The following GRID1 variants were observed in gnomAD, a reference collection of about 807,000 sequenced individuals.
GRID1 encodes glutamate receptor ionotropic, delta-1.
Under a neutral mutation model 98.0 loss-of-function variants are expected in GRID1, and 28 were observed. The ratio of observed to expected loss-of-function variants is 0.29; its 90% confidence interval spans 0.21 to 0.39. The LOEUF (loss-of-function observed/expected upper bound fraction) is 0.39. Ranked by LOEUF, GRID1 falls within the 10% of genes least tolerant of loss-of-function variation. GRID1 has a pLI of 1.00. For synonymous variants in GRID1, 553 were observed against 538.5 expected, an observed-to-expected ratio of 1.03 and a Z score of -0.37; for missense variants, 1,111 against 1,340.5, an observed-to-expected ratio of 0.83 and a Z score of 2.67.
At chr10:86,287,229 G>C (rs1176927208) in intron 2 of GRID1, among the ~76,000 whole-genome samples, 1 of 152,186 alleles carries the variant, frequency 6.6e-6, no homozygotes, top group African/African-American at 2.4e-5. Flanking sequence ...TGTCATATGA[G>C]AAGCCTGAAC....
intron 4 of GRID1, among the ~76,000 whole-genome samples, chr10:86,102,231 T>C (rs1409425034): frequency 1.3e-5 from 2 of 152,218 alleles, no homozygotes; most frequent in Non-Finnish European, 2.9e-5. Flanking sequence ...ACAAGCTGCA[T>C]GGAGCAAGGT....
In GRID1 at chr10:86,352,268, G is replaced by A. The variant is rs77960443; in HGVS notation, c.235+11673C>T. 3.3e-3 allele frequency among the ~76,000 whole-genome samples: 503 copies of A among 152,308 alleles called. 2 individuals are homozygous for A. The highest frequency in any genetic ancestry group is 0.012 in the African/African-American group (485 of 41,550). On this transcript the variant is annotated intron_variant, in intron 2 of 15. Coordinates refer to ENST00000327946, the MANE Select transcript of GRID1 (RefSeq NM_017551.3). The stretch of plus-strand genomic sequence containing the variant: ...TGGGCACTGTAGCCCTAAGAAGGCA[G>A]GGCTGGTCCACGCTCCCTCAGGCAG...
At chr10:86,014,140 A>C (rs1842952511) in intron 4 of GRID1, among the ~76,000 whole-genome samples, 1 of 152,204 alleles carries the variant, frequency 6.6e-6, no homozygotes, top group Non-Finnish European at 1.5e-5. Context: ...TCTGACACTC[A>C]GCTCCCACAA....
intron 2 of GRID1, among the ~76,000 whole-genome samples, chr10:86,293,758 T>TTCAA (rs1330287987): frequency 2.1e-5 from 3 of 144,446 alleles, no homozygotes; most frequent in African/African-American, 7.7e-5. Flanking sequence ...GTGGAATGCA[T>TTCAA]TCATTCATTC....
intron 3 of GRID1, among the ~76,000 whole-genome samples, chr10:86,194,410 T>C (rs1035423351): frequency 6.6e-6 from 1 of 152,072 alleles, no homozygotes; most frequent in Non-Finnish European, 1.5e-5. Context: ...AGTAAAAGCA[T>C]GTCACCAAAC....
Position 86,150,952 on chromosome 10 carries a change from A to C in GRID1, c.521-11928T>G, listed in dbSNP as rs558201824. Among the ~76,000 whole-genome samples, 25 of 152,320 alleles carry C rather than the reference A, an allele frequency of 1.6e-4. No individual in the cohort carries two copies. In the East Asian group the frequency reaches 4.2e-3, roughly 26 times the overall value. On this transcript the variant is annotated intron_variant, in intron 3 of 15. Transcript: ENST00000327946. ...TAAATGTGTGTTGTTTAAGCCCCCC[A>C]GCATGAGGTATCTTGTTAATGCAGC...
At chr10:86,163,311 C>G (rs1191725606) in intron 3 of GRID1, among the ~76,000 whole-genome samples, 2 of 152,170 alleles carry the variant, frequency 1.3e-5, no homozygotes, top group Non-Finnish European at 2.9e-5. Context: ...CATGGCCCAT[C>G]CTGTCCTTGA....
At chr10:86,010,820 A>AC (rs1367056024) in intron 4 of GRID1, among the ~76,000 whole-genome samples, 1 of 151,796 alleles carries the variant, frequency 6.6e-6, no homozygotes, top group East Asian at 1.9e-4. Flanking sequence ...TCTCCAAAAA[A>AC]AAAAAAAAAA....
intron 8 of GRID1, among the ~76,000 whole-genome samples, chr10:85,749,974 A>G (rs1450826921): frequency 3.3e-5 from 5 of 152,166 alleles, no homozygotes; most frequent in Admixed American, 1.3e-4. Context: ...CTAAACTTTT[A>G]TAGATTTCTT....
At chr10:85,878,377 C>T (rs1205792559) in intron 5 of GRID1, among the ~76,000 whole-genome samples, 1 of 152,102 alleles carries the variant, frequency 6.6e-6, no homozygotes. Flanking sequence ...AGAGAAAGGT[C>T]GGGTTACCCA....
chr10:86,116,304 A>G (rs1844578064), intron 4 of GRID1, among the ~76,000 whole-genome samples: 2 of 152,210 alleles, frequency 1.3e-5, no homozygotes, highest in South Asian at 2.1e-4. Context: ...AAGTATCTGG[A>G]AAACATTGAG....
intron 8 of GRID1, among the ~76,000 whole-genome samples, chr10:85,790,963 G>A (rs1350249746): frequency 1.3e-5 from 2 of 152,130 alleles, no homozygotes; most frequent in Admixed American, 6.6e-5. Context: ...TGAGGGCCTG[G>A]GGGCAACACA....
chr10:85,976,212 A>C lies in GRID1; in HGVS notation c.727-59973T>G, dbSNP rs143365720. On this transcript the variant is annotated intron_variant, in intron 4 of 15. Coordinates refer to ENST00000327946, the MANE Select transcript of GRID1 (RefSeq NM_017551.3). ...TTTTGTTCTGTTTTCAAATAACAACAAAATGACCAGAGATCAAACTGTGAT... is the reference window on the plus strand; with the variant it reads ...TTTTGTTCTGTTTTCAAATAACAACCAAATGACCAGAGATCAAACTGTGAT... Among the ~76,000 whole-genome samples, 232 of 152,376 alleles carry C rather than the reference A, an allele frequency of 1.5e-3. 1 individual carries two copies. Among genetic ancestry groups the C allele is most frequent in the African/African-American group, 5.1e-3 (214 of 41,580 alleles).
intron 5 of GRID1, among the ~76,000 whole-genome samples, chr10:85,879,898 GAGA>G (rs1358200929): frequency 6.6e-6 from 1 of 151,978 alleles, no homozygotes; most frequent in Admixed American, 6.6e-5. Context: ...GAAGAAAAGA[GAGA>G]AGAATCAAAT....
intron 13 of GRID1, among the ~76,000 whole-genome samples, chr10:85,620,704 T>C (rs1842848376): frequency 6.6e-6 from 1 of 152,204 alleles, no homozygotes; most frequent in Admixed American, 6.5e-5. Context: ...TATGAAGGTA[T>C]GCACATGCCT....
At chr10:85,749,852 C>G (rs981794107) in intron 8 of GRID1, among the ~76,000 whole-genome samples, 1 of 152,192 alleles carries the variant, frequency 6.6e-6, no homozygotes, top group Non-Finnish European at 1.5e-5. Flanking sequence ...GATTCCTTAT[C>G]ATCCTAAGTA....
intron 4 of GRID1, among the ~76,000 whole-genome samples, chr10:85,945,498 G>A (rs1423781933): frequency 2.6e-5 from 4 of 152,110 alleles, no homozygotes. Context: ...TGTCCAAACT[G>A]AAGAAGTTCT....
At chr10:86,344,392 C>T (rs1848353617) in intron 2 of GRID1, among the ~76,000 whole-genome samples, 1 of 152,216 alleles carries the variant, frequency 6.6e-6, no homozygotes. Context: ...CCAGCCACAG[C>T]ACTGTCCAGT....
intron 3 of GRID1, among the ~76,000 whole-genome samples, chr10:86,155,965 C>T (rs937975692): frequency 1.3e-5 from 2 of 152,142 alleles, no homozygotes; most frequent in Admixed American, 6.5e-5. Context: ...GGACAAAGCC[C>T]CCAGACATCC....
Sources: allele counts gnomAD v4.1 joint callset (sites outside exome capture counted in the v4.1 genomes callset), GRCh38; gene constraint gnomAD v4.1.1; transcripts MANE v1.5; gene names NCBI Gene and HGNC (gene_info 2026-07-23, HGNC 2026-07-21).